The following CRADD variants were observed in gnomAD, a reference collection of about 807,000 sequenced individuals.
CRADD encodes the protein CARD and death domain containing adaptor protein.
Under a neutral mutation model 15.5 loss-of-function variants are expected in CRADD, and 9 were observed. That is an observed-to-expected ratio of 0.58 (90% CI 0.35 to 1.01). The LOEUF (loss-of-function observed/expected upper bound fraction) is 1.01. Ranked by LOEUF, CRADD falls within the 50% of genes least tolerant of loss-of-function variation. The pLI is 0.02. For synonymous variants in CRADD, 118 were observed against 107.6 expected (o/e 1.10, Z -0.60); for missense variants, 227 against 250.3 (o/e 0.91, Z 0.63).
At chr12:93,681,550 AAAG>A (rs1484102287) in intron 2 of CRADD, among the ~76,000 whole-genome samples, 1 of 152,236 alleles carries the variant, frequency 6.6e-6, no homozygotes, top group African/African-American at 2.4e-5. Flanking sequence ...CTCTTTTAAA[AAAG>A]ACTTGTATTT....
intron 2 of CRADD, among the ~76,000 whole-genome samples, chr12:93,832,045 A>G (rs1272418497): frequency 6.7e-6 from 1 of 149,056 alleles, no homozygotes; most frequent in African/African-American, 2.4e-5. Context: ...AAAACATTGT[A>G]TACATTTATG....
chr12:93,721,622 A>T (rs1404886992), intron 2 of CRADD, among the ~76,000 whole-genome samples: 1 of 152,228 alleles, frequency 6.6e-6, no homozygotes, highest in Non-Finnish European at 1.5e-5. Context: ...ATACAGTATA[A>T]CAACTATTTG....
chr12:93,794,778 T>A (rs1228627523), intron 2 of CRADD, among the ~76,000 whole-genome samples: 1 of 152,212 alleles, frequency 6.6e-6, no homozygotes, highest in Non-Finnish European at 1.5e-5. Flanking sequence ...AACTCCTTTG[T>A]GATGTACCTG....
intron 2 of CRADD, among the ~76,000 whole-genome samples, chr12:93,779,591 C>CT (rs72096249): frequency 0.43 from 58,991 of 137,414 alleles, 14,170 homozygotes; most frequent in East Asian, 0.8. Context: ...AAGAAAGAAC[C>CT]TTTTTTTTTT....
intron 2 of CRADD, among the ~76,000 whole-genome samples, chr12:93,858,954 G>A (rs1403330189): frequency 6.6e-6 from 1 of 152,176 alleles, no homozygotes; most frequent in Non-Finnish European, 1.5e-5. Context: ...CCACATGACT[G>A]TCCCTGCTTC....
Position 93,718,232 on chromosome 12 carries a change from A to T in CRADD, c.298+39160A>T, listed in dbSNP as rs560760222. 2.0e-4 allele frequency among the ~76,000 whole-genome samples: 30 copies of T among 152,240 alleles called. No individual in the cohort carries two copies. In the East Asian group the frequency reaches 5.2e-3, roughly 26 times the overall value. On this transcript the variant is annotated intron_variant, in intron 2 of 2. Transcript: ENST00000332896. ...ATAGTGTGCTGGGATTTTTGTTGGG[A>T]TTGCATTGAATCTATGAAGTTGAGA... is the stretch of plus-strand genomic sequence containing the variant.
At chr12:93,724,766 A>G (rs1956324088) in intron 2 of CRADD, among the ~76,000 whole-genome samples, 3 of 152,160 alleles carry the variant, frequency 2.0e-5, no homozygotes, top group South Asian at 2.1e-4. Flanking sequence ...ATTTTTTAGC[A>G]TAGTTTTAGA....
chr12:93,754,078 C>T (rs1956861403), intron 2 of CRADD, among the ~76,000 whole-genome samples: 2 of 152,246 alleles, frequency 1.3e-5, no homozygotes, highest in African/African-American at 4.8e-5. Context: ...AGTGGAGGTT[C>T]CCAAACCTCA....
At chr12:93,697,077 G>A (rs146035749) in intron 2 of CRADD, among the ~76,000 whole-genome samples, 2 of 152,242 alleles carry the variant, frequency 1.3e-5, no homozygotes, top group East Asian at 3.9e-4. Flanking sequence ...CACAAAAAGT[G>A]ATAAGTGTAT....
At chr12:93,882,699 A>G (rs930640347) in intron 2 of CRADD, among the ~76,000 whole-genome samples, 38 of 152,286 alleles carry the variant, frequency 2.5e-4, no homozygotes, top group African/African-American at 9.1e-4. Context: ...TGAACTTTTC[A>G]ATACCTATAC....
intron 2 of CRADD, among the ~76,000 whole-genome samples, chr12:93,882,420 CAAAAAA>C (rs564407219): frequency 1.5e-5 from 1 of 65,662 alleles, no homozygotes; most frequent in Non-Finnish European, 3.3e-5. Context: ...GACTCTGTCT[CAAAAAA>C]AAAAAAAAAA....
rs1340160794 is a variant in CRADD at position 93,679,084 on chromosome 12, A to G, written c.298+12A>G. On this transcript the variant is annotated intron_variant, in intron 2 of 2. Transcript: ENST00000332896. ...CGACCTGCCTGCAGGTAGGCCTCAG[A>G]AAGATCACTTTGAACCAGCTCCAAA... 3 of 1,603,830 alleles carry G rather than the reference A, an allele frequency of 1.9e-6. No individual in the cohort carries two copies. The highest frequency in any genetic ancestry group is 2.6e-6 in the Non-Finnish European group (3 of 1,173,386).
chr12:93,724,930 G>A (rs1000133005), intron 2 of CRADD, among the ~76,000 whole-genome samples: 32 of 151,702 alleles, frequency 2.1e-4, no homozygotes, highest in Non-Finnish European at 4.1e-4. Context: ...GCGCGATCTC[G>A]GCTCACTGCA....
rs190684541 is a variant in CRADD at position 93,731,137 on chromosome 12, A to T, written c.298+52065A>T. Among the ~76,000 whole-genome samples, 27 of 152,352 alleles carry T rather than the reference A, an allele frequency of 1.8e-4. No homozygotes were observed. In the East Asian group the frequency reaches 4.4e-3, roughly 25 times the overall value. ...TCATATACACATATGCCAAGAAAAA[A>T]GTCTGGGGAGGCTGTGAAACACAGT... On this transcript the variant is annotated intron_variant, in intron 2 of 2. Coordinates refer to ENST00000332896, the MANE Select transcript of CRADD (RefSeq NM_003805.5).
chr12:93,705,835 T>C (rs115663589), intron 2 of CRADD, among the ~76,000 whole-genome samples: 255 of 152,374 alleles, frequency 1.7e-3, no homozygotes, highest in African/African-American at 5.9e-3. Flanking sequence ...AAATTTGCTT[T>C]CGCGGCATTA....
At chr12:93,796,239 T>C (rs1957416085) in intron 2 of CRADD, among the ~76,000 whole-genome samples, 2 of 152,170 alleles carry the variant, frequency 1.3e-5, no homozygotes, top group African/African-American at 4.8e-5. Context: ...AGTTTTGTAA[T>C]TAACATTCCT....
downstream of CRADD, among the ~76,000 whole-genome samples, chr12:93,853,002 A>G (rs1958241420): frequency 6.6e-6 from 1 of 151,720 alleles, no homozygotes; most frequent in South Asian, 2.1e-4. Context: ...AATTACCCCT[A>G]CTCCCATCTA....
chr12:93,740,527 CTT>C (rs1013642809), intron 2 of CRADD, among the ~76,000 whole-genome samples: 34 of 151,984 alleles, frequency 2.2e-4, no homozygotes, highest in African/African-American at 7.7e-4. Flanking sequence ...AAGAAACTAT[CTT>C]AGTGATTTTT....
At chr12:93,770,845 A>G (rs1023690371) in intron 2 of CRADD, among the ~76,000 whole-genome samples, 1 of 152,244 alleles carries the variant, frequency 6.6e-6, no homozygotes, top group African/African-American at 2.4e-5. Flanking sequence ...ACACAGAGAC[A>G]CACTCAGATT....
Sources: gnomAD v4.1 joint callset for allele counts (sites outside exome capture counted in the v4.1 genomes callset) on GRCh38, gnomAD v4.1.1 for gene constraint, MANE v1.5 for transcripts, NCBI Gene and HGNC (gene_info 2026-07-23, HGNC 2026-07-21) for gene names.